The following ZNF407 variants were observed in gnomAD, a reference collection of about 807,000 sequenced individuals.
ZNF407 encodes the protein zinc finger protein 407.
A neutral mutation model predicts 131.2 loss-of-function variants in ZNF407; 17 were observed. The observed-to-expected ratio is 0.13, with a 90% CI of 0.09 to 0.19. The LOEUF (loss-of-function observed/expected upper bound fraction) is 0.19. Ranked by LOEUF, ZNF407 falls within the 10% of genes least tolerant of loss-of-function variation. The pLI, the probability that ZNF407 is intolerant of heterozygous loss-of-function variation, is 1.00. For synonymous variants in ZNF407, 1,156 were observed against 1,062.0 expected (o/e 1.09, Z -1.72); for missense variants, 2,681 against 2,830.6 (o/e 0.95, Z 1.20).
chr18:75,018,084 T>C (rs1807922515), intron 8 of ZNF407, among the ~76,000 whole-genome samples: 1 of 152,160 alleles, frequency 6.6e-6, no homozygotes, highest in Non-Finnish European at 1.5e-5. Flanking sequence ...ATTTGCACAA[T>C]AGAATTATGT....
rs1295421609 is a variant in ZNF407, at chr18:74,633,772, A to G, written c.2753A>G (p.Asp918Gly). The stretch of plus-strand genomic sequence containing the variant: ...GAAGCAAGTGGAAAACACAGTTCAG[A>G]TATCATTGTTGGCCCTGAAGGGGGT... ...EIEASGKHSS[D>G]IIVGPEGGSL... is the part of the protein sequence containing the mutation. The change falls in exon 2 of 9, where the codon GAT becomes GGT. Residue 918 changes from aspartate (D) to glycine (G), a missense_variant. Transcript: ENST00000299687. The G allele has an allele frequency of 1.2e-6, 2 of 1,613,886 alleles. No individual in the cohort carries two copies. The highest frequency in any genetic ancestry group is 1.3e-5 in the African/African-American group (1 of 74,946).
chr18:74,682,222 A>G (rs1967001001), intron 3 of ZNF407, among the ~76,000 whole-genome samples: 3 of 152,220 alleles, frequency 2.0e-5, no homozygotes, highest in African/African-American at 7.2e-5. Context: ...CAGTTGCTTT[A>G]AAGATCCTTG....
chr18:74,607,037 A>G (rs546646228), intron 1 of ZNF407, among the ~76,000 whole-genome samples: 2 of 152,212 alleles, frequency 1.3e-5, no homozygotes, highest in East Asian at 1.9e-4. Context: ...CTCATCGTCT[A>G]CTAGGAAAGC....
intron 8 of ZNF407, among the ~76,000 whole-genome samples, chr18:75,018,540 G>A (rs1376686038): frequency 6.6e-6 from 1 of 151,296 alleles, no homozygotes; most frequent in Non-Finnish European, 1.5e-5. Context: ...TAACAAAAAA[G>A]GAGAAATAAA....
At chr18:74,981,517 A>G (rs1444638307) in intron 8 of ZNF407, among the ~76,000 whole-genome samples, 1 of 152,260 alleles carries the variant, frequency 6.6e-6, no homozygotes, top group African/African-American at 2.4e-5. Flanking sequence ...GGCTAAGAAC[A>G]TGATGAGGTT....
chr18:74,817,780 A>G (rs182568229), intron 4 of ZNF407, among the ~76,000 whole-genome samples: 33 of 152,292 alleles, frequency 2.2e-4, no homozygotes, highest in African/African-American at 7.5e-4. Context: ...TTATGATGCT[A>G]CTTCCAAAGT....
intron 3 of ZNF407, among the ~76,000 whole-genome samples, chr18:74,751,260 A>G (rs904634206): frequency 6.6e-6 from 1 of 152,088 alleles, no homozygotes; most frequent in African/African-American, 2.4e-5. Flanking sequence ...TTTTTGAATC[A>G]CTTTGAATTA....
At chr18:74,973,450 A>T (rs777144296) in intron 8 of ZNF407, among the ~76,000 whole-genome samples, 1 of 152,296 alleles carries the variant, frequency 6.6e-6, no homozygotes, top group East Asian at 1.9e-4. Context: ...ATTTCTGTCA[A>T]TGTAGGCTAG....
chr18:74,719,620 A>T (rs183117753), intron 3 of ZNF407, among the ~76,000 whole-genome samples: 9 of 152,030 alleles, frequency 5.9e-5, no homozygotes, highest in African/African-American at 2.2e-4. Flanking sequence ...AGCCAGGATG[A>T]TCTCGATCTC....
At chr18:74,676,739 T>A (rs1386951523) in intron 3 of ZNF407, among the ~76,000 whole-genome samples, 3 of 152,110 alleles carry the variant, frequency 2.0e-5, no homozygotes, top group Non-Finnish European at 2.9e-5. Context: ...CGGCCAGTAT[T>A]TTTTAAAAAT....
intron 4 of ZNF407, among the ~76,000 whole-genome samples, chr18:74,809,397 C>T (rs1217015684): frequency 6.6e-6 from 1 of 152,182 alleles, no homozygotes; most frequent in African/African-American, 2.4e-5. Context: ...CATGCTTTCT[C>T]TTTATAGAAA....
chr18:75,031,664 T>G (rs1463645760), intron 8 of ZNF407, among the ~76,000 whole-genome samples: 1 of 152,216 alleles, frequency 6.6e-6, no homozygotes, highest in Non-Finnish European at 1.5e-5. Flanking sequence ...TTCATTAAAC[T>G]TTCATTAAAA....
intron 4 of ZNF407, among the ~76,000 whole-genome samples, chr18:74,871,463 T>A (rs1331562693): frequency 6.6e-6 from 1 of 152,208 alleles, no homozygotes; most frequent in African/African-American, 2.4e-5. Context: ...TGCATTGTTT[T>A]CATAGTTCTA....
In ZNF407 at chr18:75,064,264, C is replaced by T. The variant is rs776602043; in HGVS notation, c.6543C>T (p.Asp2181=). 21 of 1,604,266 alleles carry T rather than the reference C, an allele frequency of 1.3e-5. No individual in the cohort carries two copies. Among genetic ancestry groups the T allele is most frequent in the African/African-American group, 2.7e-5 (2 of 74,786 alleles). ...ILTELPPGVQ[D]EPGLYSHTVL... ...CAGAGCTGCCCCCAGGGGTGCAGGA[C>T]GAGCCGGGCCTGTACTCCCACACCG... Residue 2181 remains aspartate, a synonymous_variant, in exon 9 of 9, where the codon GAC becomes GAT. Transcript: ENST00000299687.
intron 3 of ZNF407, among the ~76,000 whole-genome samples, chr18:74,658,701 TG>T (rs1985585095): frequency 6.6e-6 from 1 of 152,184 alleles, no homozygotes; most frequent in African/African-American, 2.4e-5. Flanking sequence ...ACTCTAAGAT[TG>T]GGGATATTCC....
At chr18:74,655,882 A>G (rs1165995120) in intron 3 of ZNF407, among the ~76,000 whole-genome samples, 1 of 152,178 alleles carries the variant, frequency 6.6e-6, no homozygotes, top group Admixed American at 6.6e-5. Flanking sequence ...CTGCAATATT[A>G]GATCCTTTTA....
intron 4 of ZNF407, among the ~76,000 whole-genome samples, chr18:74,859,679 T>C (rs1970910344): frequency 6.6e-6 from 1 of 152,236 alleles, no homozygotes; most frequent in Non-Finnish European, 1.5e-5. Context: ...AAAATACATT[T>C]ATCTGTGAAA....
At chr18:75,060,497 T>G (rs1973614785) in intron 8 of ZNF407, among the ~76,000 whole-genome samples, 1 of 71,572 alleles carries the variant, frequency 1.4e-5, no homozygotes, top group Non-Finnish European at 3.0e-5. Context: ...TTTCTTTTTT[T>G]TCTTTTTTTC....
chr18:74,614,569 A>G (rs1983203543), intron 1 of ZNF407, among the ~76,000 whole-genome samples: 1 of 152,086 alleles, frequency 6.6e-6, no homozygotes. Context: ...GAGTTATGAG[A>G]GATTTTAGTC....
Sources: gnomAD v4.1 joint callset for allele counts (sites outside exome capture counted in the v4.1 genomes callset) on GRCh38, gnomAD v4.1.1 for gene constraint, MANE v1.5 for transcripts, NCBI Gene and HGNC (gene_info 2026-07-23, HGNC 2026-07-21) for gene names.